Variants in MAP3K20 observed in about 807,000 individuals in gnomAD.
The protein encoded by MAP3K20 is mitogen-activated protein kinase kinase kinase 20.
Under a neutral mutation model 85.7 loss-of-function variants are expected in MAP3K20, and 40 were observed. That is an observed-to-expected ratio of 0.47 (90% CI 0.36 to 0.61). The LOEUF is 0.61. MAP3K20 is among the 20% of genes least tolerant of loss of function. The probability of loss-of-function intolerance (pLI) is 0.00; values close to 1 mark genes in which losing one functional copy is unlikely to be tolerated. For missense variants in MAP3K20, 817 were observed against 961.7 expected (o/e 0.85, Z 1.99); for synonymous variants, 325 against 327.7 (o/e 0.99, Z 0.09).
At chr2:173,082,702 C>T (rs950569017) in intron 1 of MAP3K20, among the ~76,000 whole-genome samples, 7 of 152,244 alleles carry the variant, frequency 4.6e-5, no homozygotes, top group African/African-American at 1.7e-4. Flanking sequence ...TCTCCCCTCT[C>T]CGTGCACCCT....
intron 2 of MAP3K20, among the ~76,000 whole-genome samples, chr2:173,117,783 A>G (rs1288284897): frequency 2.0e-5 from 3 of 152,214 alleles, no homozygotes; most frequent in Admixed American, 6.5e-5. Context: ...CACTTCTGGC[A>G]CTTAGCACAG....
intron 1 of MAP3K20, among the ~76,000 whole-genome samples, chr2:173,085,454 T>C (rs1290933981): frequency 1.3e-5 from 2 of 152,238 alleles, no homozygotes; most frequent in Non-Finnish European, 2.9e-5. Flanking sequence ...CTGCTATATA[T>C]GCTTTCAGCA....
intron 2 of MAP3K20, among the ~76,000 whole-genome samples, chr2:173,117,581 AT>A (rs556731540): frequency 2.0e-4 from 31 of 151,332 alleles, no homozygotes; most frequent in Admixed American, 1.5e-3. Context: ...CGCCTGGCCT[AT>A]TTTTTTTTCT....
At chr2:173,114,136 T>C (rs1688051650) in intron 2 of MAP3K20, among the ~76,000 whole-genome samples, 1 of 152,364 alleles carries the variant, frequency 6.6e-6, no homozygotes, top group Non-Finnish European at 1.5e-5. Context: ...TTTACCATTA[T>C]CTAATGTCCC....
At chr2:173,081,852 G>T (rs1005798714) in intron 1 of MAP3K20, among the ~76,000 whole-genome samples, 1 of 152,152 alleles carries the variant, frequency 6.6e-6, no homozygotes, top group Admixed American at 6.5e-5. Flanking sequence ...CAACTCAACA[G>T]GGTTGGAGTG....
At chr2:173,105,347 A>G (rs1373660605) in intron 2 of MAP3K20, among the ~76,000 whole-genome samples, 1 of 152,166 alleles carries the variant, frequency 6.6e-6, no homozygotes, top group African/African-American at 2.4e-5. Flanking sequence ...ATAATCAAGG[A>G]CGTCTCAGAG....
chr2:173,217,920 C>T (rs78228759), intron 11 of MAP3K20, among the ~76,000 whole-genome samples: 10,534 of 152,190 alleles, frequency 0.069, 1,064 homozygotes, highest in East Asian at 0.56. Context: ...CTTGAGCTTA[C>T]ATGCTGATAT....
intron 1 of MAP3K20, among the ~76,000 whole-genome samples, chr2:173,077,183 T>C (rs963760470): frequency 6.6e-6 from 1 of 152,170 alleles, no homozygotes; most frequent in Non-Finnish European, 1.5e-5. Context: ...CTGTACTCCT[T>C]CTTTAACCCC....
chr2:173,105,040 T>C (rs1337626683), intron 2 of MAP3K20, among the ~76,000 whole-genome samples: 2 of 152,216 alleles, frequency 1.3e-5, no homozygotes, highest in Admixed American at 1.3e-4. Context: ...TCTTGGACCT[T>C]GTAGGCAATT....
At chr2:173,134,397 T>TACATATAC (rs1559245901) in intron 2 of MAP3K20, among the ~76,000 whole-genome samples, 38 of 9,090 alleles carry the variant, frequency 4.2e-3, no homozygotes, top group African/African-American at 0.014. Context: ...TCTATACATA[T>TACATATAC]ATATATATAT....
At chr2:173,082,692 T>G (rs1032337150) in intron 1 of MAP3K20, among the ~76,000 whole-genome samples, 8 of 152,114 alleles carry the variant, frequency 5.3e-5, no homozygotes, top group Non-Finnish European at 1.0e-4. Flanking sequence ...GCCCTAGAAA[T>G]CTCCCCTCTC....
intron 2 of MAP3K20, among the ~76,000 whole-genome samples, chr2:173,121,595 G>C (rs1199983223): frequency 2.0e-5 from 3 of 151,980 alleles, no homozygotes. Flanking sequence ...CACCGTGTTA[G>C]CCAGGATGGT....
intron 1 of MAP3K20, among the ~76,000 whole-genome samples, chr2:173,082,023 GT>G (rs11405965): frequency 6.8e-6 from 1 of 148,096 alleles, no homozygotes; most frequent in Non-Finnish European, 1.5e-5. Context: ...GGAATCCTTT[GT>G]TTTTTTTTTG....
At chr2:173,085,819 A>G (rs1182379889) in intron 1 of MAP3K20, among the ~76,000 whole-genome samples, 1 of 81,554 alleles carries the variant, frequency 1.2e-5, no homozygotes, top group African/African-American at 4.6e-5. Context: ...TTTTTGAGAT[A>G]GAGCCTTGCT....
chr2:173,125,290 G>A (rs1246872977), intron 2 of MAP3K20, among the ~76,000 whole-genome samples: 2 of 152,148 alleles, frequency 1.3e-5, no homozygotes, highest in Non-Finnish European at 1.5e-5. Context: ...TCTTGTGTAC[G>A]TATTTCAGTC....
intron 11 of MAP3K20, among the ~76,000 whole-genome samples, chr2:173,228,538 A>C (rs1486788368): frequency 6.6e-6 from 1 of 152,112 alleles, no homozygotes; most frequent in East Asian, 1.9e-4. Context: ...CTTTAATTTT[A>C]TTCATTCTTT....
At chr2:173,117,523 T>G (rs1290225562) in intron 2 of MAP3K20, among the ~76,000 whole-genome samples, 5 of 152,112 alleles carry the variant, frequency 3.3e-5, no homozygotes, top group Admixed American at 3.3e-4. Context: ...CGACTGATCT[T>G]CCTGCCTTGA....
intron 2 of MAP3K20, among the ~76,000 whole-genome samples, chr2:173,098,824 A>G (rs1687541819): frequency 6.6e-6 from 1 of 152,146 alleles, no homozygotes; most frequent in South Asian, 2.1e-4. Context: ...GTTCTCTCAA[A>G]GTGTGGTCCC....
chr2:173,182,763 C>A (rs1690367152), intron 3 of MAP3K20, 91 bp from the exon 4 acceptor site: 10 of 922,706 alleles, frequency 1.1e-5, no homozygotes, highest in African/African-American at 3.5e-5. Flanking sequence ...TTGTTAAATT[C>A]TTTAATGTAT....
Sources: gnomAD v4.1 joint callset for allele counts (sites outside exome capture counted in the v4.1 genomes callset) on GRCh38, gnomAD v4.1.1 for gene constraint, MANE v1.5 for transcripts, NCBI Gene and HGNC (gene_info 2026-07-23, HGNC 2026-07-21) for gene names.